Variants in UVRAG observed in about 807,000 individuals in gnomAD.
UVRAG encodes the protein UV radiation resistance-associated gene protein.
In UVRAG, 19 loss-of-function variants were observed where a neutral mutation model predicts 78.0. The observed-to-expected ratio is 0.24, with a 90% CI of 0.17 to 0.36. The LOEUF (loss-of-function observed/expected upper bound fraction) is 0.36. Ranked by LOEUF, UVRAG falls within the 10% of genes least tolerant of loss-of-function variation. UVRAG has a pLI of 1.00. For missense variants in UVRAG, 740 were observed against 853.8 expected (o/e 0.87, Z 1.66); for synonymous variants, 323 against 324.6 (o/e 1.00, Z 0.05).
intron 13 of UVRAG, among the ~76,000 whole-genome samples, chr11:76,081,110 G>C (rs1334418663): frequency 2.0e-5 from 3 of 152,148 alleles, no homozygotes; most frequent in Non-Finnish European, 4.4e-5. Context: ...TTAATGCCTT[G>C]GAAAGAGCTC....
chr11:75,922,090 T>C (rs111862309), intron 6 of UVRAG, among the ~76,000 whole-genome samples: 163 of 152,272 alleles, frequency 1.1e-3, no homozygotes, highest in African/African-American at 3.8e-3. Context: ...ACCAATCTTA[T>C]TGGAATTTTA....
At chr11:75,829,059 A>G (rs1033747955) in intron 1 of UVRAG, among the ~76,000 whole-genome samples, 1 of 151,784 alleles carries the variant, frequency 6.6e-6, no homozygotes, top group African/African-American at 2.4e-5. Context: ...GAGTTGCAGA[A>G]TTTCTTTTTG....
intron 6 of UVRAG, among the ~76,000 whole-genome samples, chr11:75,929,482 A>G (rs781128157): frequency 9.9e-5 from 15 of 152,136 alleles, no homozygotes; most frequent in Admixed American, 1.3e-4. Context: ...CTGGAAAAGG[A>G]CTGGGTTAAA....
chr11:76,005,066 G>A (rs556303255), intron 9 of UVRAG, among the ~76,000 whole-genome samples: 157 of 152,114 alleles, frequency 1.0e-3, no homozygotes, highest in Non-Finnish European at 1.7e-3. Flanking sequence ...TAGACTGGCC[G>A]GGCATGGTGG....
intron 13 of UVRAG, among the ~76,000 whole-genome samples, chr11:76,073,293 T>C (rs1161437226): frequency 1.3e-5 from 2 of 152,162 alleles, no homozygotes; most frequent in Non-Finnish European, 1.5e-5. Context: ...CTAAGTGAAC[T>C]ACCTTCTTTT....
In UVRAG at chr11:75,873,980, T is replaced by G. The variant is rs116256336; in HGVS notation, c.271-5899T>G. 5.0e-3 allele frequency among the ~76,000 whole-genome samples: 757 copies of G among 152,338 alleles called. 7 individuals are homozygous for G. The highest frequency in any genetic ancestry group is 0.017 in the African/African-American group (713 of 41,564). On this transcript the variant is annotated intron_variant, in intron 3 of 14. Coordinates refer to ENST00000356136, the MANE Select transcript of UVRAG (RefSeq NM_003369.4). ...CAGTTCCTTCTTAGCTAATCTGTAA[T>G]GAATGCTTCATTCTTGTAGTAGTGG...
chr11:75,848,324 G>A (rs1172020111), intron 1 of UVRAG, among the ~76,000 whole-genome samples: 1 of 152,150 alleles, frequency 6.6e-6, no homozygotes, highest in Non-Finnish European at 1.5e-5. Flanking sequence ...TAAAGGAAAA[G>A]GGCAAAAAGT....
rs1185896574 is a variant in UVRAG, at chr11:76,143,326, AGCC to A, written c.*1914_*1916del. 1 of 152,270 alleles carries A rather than the reference AGCC, an allele frequency of 6.6e-6. No individual in the cohort carries two copies. The highest frequency in any genetic ancestry group is 2.4e-5 in the African/African-American group (1 of 41,452). The allele number at this position is 152,270 out of a possible 1,614,324, so 9.4% of individuals were successfully genotyped here. ...AGGTACACTGGGTTGCAGGGCATCC[AGCC>A]TGGCGCTGGCACCACCAAGGAGCAG... is the stretch of plus-strand genomic sequence containing the variant. On this transcript the variant is annotated 3_prime_UTR_variant, in exon 15 of 15. Transcript: ENST00000356136.
chr11:76,050,938 C>T (rs1950853541), intron 12 of UVRAG, among the ~76,000 whole-genome samples: 1 of 152,054 alleles, frequency 6.6e-6, no homozygotes, highest in African/African-American at 2.4e-5. Context: ...CTTATTGTAC[C>T]TAAATAGCCC....
At chr11:76,033,225 T>C (rs1254522954) in intron 12 of UVRAG, among the ~76,000 whole-genome samples, 1 of 152,140 alleles carries the variant, frequency 6.6e-6, no homozygotes, top group Non-Finnish European at 1.5e-5. Context: ...ACCAGTTTAT[T>C]CCACCTCTCT....
At chr11:75,903,398 T>G (rs1190196645) in intron 5 of UVRAG, among the ~76,000 whole-genome samples, 3 of 152,214 alleles carry the variant, frequency 2.0e-5, no homozygotes, top group Admixed American at 6.5e-5. Flanking sequence ...CCTTACTTAC[T>G]TATTCAGCTG....
intron 5 of UVRAG, among the ~76,000 whole-genome samples, chr11:75,893,622 G>A (rs534119744): frequency 1.3e-3 from 187 of 147,708 alleles, no homozygotes; most frequent in African/African-American, 4.3e-3. Context: ...TCAAGAGTGA[G>A]GGTAATTTGA....
intron 7 of UVRAG, among the ~76,000 whole-genome samples, chr11:75,982,713 A>G (rs72999583): frequency 0.18 from 28,105 of 152,144 alleles, 4,543 homozygotes; most frequent in African/African-American, 0.43. Flanking sequence ...TTTTGTTTCT[A>G]TGGATTTGCC....
intron 3 of UVRAG, among the ~76,000 whole-genome samples, chr11:75,879,147 G>GC (rs1481180765): frequency 6.6e-6 from 1 of 151,960 alleles, no homozygotes; most frequent in Admixed American, 6.6e-5. Flanking sequence ...CATTTCAATG[G>GC]CCCCACTGTT....
chr11:75,961,619 T>C, intron 7 of UVRAG, 70 bp downstream of exon 7: 2 of 1,263,360 alleles, frequency 1.6e-6, no homozygotes. Context: ...TCTTCTAGGG[T>C]TAATTTTAAA....
chr11:76,138,462 G>A (rs781045466), intron 14 of UVRAG, among the ~76,000 whole-genome samples: 16 of 152,130 alleles, frequency 1.1e-4, no homozygotes, highest in Admixed American at 2.0e-4. Context: ...GGGTTGTCGC[G>A]CCTCATTAGT....
intron 1 of UVRAG, among the ~76,000 whole-genome samples, chr11:75,838,281 A>G (rs910333787): frequency 5.9e-5 from 9 of 152,146 alleles, no homozygotes; most frequent in African/African-American, 2.2e-4. Context: ...TATTACTTAC[A>G]TCATATTGCT....
rs553261025 is a variant in UVRAG, at chr11:76,131,968, GT to G, written c.1398-8736del. ...GATAGTAGCTTAATTTATGAAGGTT[GT>G]TTTTTTGAAAAAACTAACTTTATGT... On this transcript the variant is annotated intron_variant, in intron 14 of 14. Coordinates refer to ENST00000356136, the MANE Select transcript of UVRAG (RefSeq NM_003369.4). 3.3e-5 allele frequency among the ~76,000 whole-genome samples: 5 copies of G among 152,264 alleles called. No homozygotes were observed. In the East Asian group the frequency reaches 9.6e-4, roughly 29 times the overall value.
At chr11:75,978,860 CCTT>C (rs1459957193) in intron 7 of UVRAG, among the ~76,000 whole-genome samples, 7 of 152,314 alleles carry the variant, frequency 4.6e-5, no homozygotes, top group Admixed American at 6.5e-5. Context: ...TCTTCTGAAT[CCTT>C]CTTCTCTCTG....
Sources: allele counts gnomAD v4.1 joint callset (sites outside exome capture counted in the v4.1 genomes callset), GRCh38; gene constraint gnomAD v4.1.1; transcripts MANE v1.5; gene names NCBI Gene and HGNC (gene_info 2026-07-23, HGNC 2026-07-21).